The following TSPEAR variants were observed in gnomAD, a reference collection of about 807,000 sequenced individuals.
TSPEAR encodes the protein thrombospondin type laminin G domain and EAR repeats.
In TSPEAR, 69 loss-of-function variants were observed where a neutral mutation model predicts 71.6. That is an observed-to-expected ratio of 0.96 (90% confidence interval 0.79 to 1.18). The LOEUF is 1.18. Among genes scored for constraint, TSPEAR ranks in the 50% most tolerant of loss-of-function variants. The pLI is 0.00. For synonymous variants in TSPEAR, 402 were observed against 387.2 expected, an observed-to-expected ratio of 1.04 and a Z score of -0.45; for missense variants, 971 against 894.9, an observed-to-expected ratio of 1.09 and a Z score of -1.09.
intron 1 of TSPEAR, among the ~76,000 whole-genome samples, chr21:44,684,511 G>T (rs1555948638): frequency 6.6e-6 from 1 of 152,236 alleles, no homozygotes; most frequent in Non-Finnish European, 1.5e-5. Context: ...TTCAGCCTGG[G>T]TGACCAAGCA....
chr21:44,544,589 G>A (rs1555917562), intron 2 of TSPEAR, among the ~76,000 whole-genome samples: 1 of 152,186 alleles, frequency 6.6e-6, no homozygotes, highest in East Asian at 1.9e-4. Context: ...ATAATGCTAG[G>A]CTTAAATTTC....
chr21:44,677,695 G>T, intron 1 of TSPEAR: 2 of 1,419,776 alleles, frequency 1.4e-6, no homozygotes, highest in Non-Finnish European at 2.0e-6. Context: ...TCTCCCTTTT[G>T]TTTTTGGAGT....
intron 9 of TSPEAR, among the ~76,000 whole-genome samples, chr21:44,514,365 TACAC>T (rs1555913087): frequency 6.6e-6 from 1 of 152,022 alleles, no homozygotes; most frequent in South Asian, 2.1e-4. Context: ...TGGAAGCGAG[TACAC>T]ACACGTGTGC....
intron 7 of TSPEAR, 85 bp downstream of exon 7, chr21:44,527,207 C>A (rs2052874143): frequency 1.5e-6 from 2 of 1,320,218 alleles, no homozygotes. Context: ...CCTTTACCTG[C>A]AGAATCAGTG....
chr21:44,517,927 T>C, intron 9 of TSPEAR: 1 of 463,304 alleles, frequency 2.2e-6, no homozygotes, highest in Non-Finnish European at 4.5e-6. Context: ...CTCTGACAAT[T>C]CCATCACTGT....
rs1555928929 is a variant in TSPEAR, at chr21:44,601,822, G to A, written c.83-33817C>T. On this transcript the variant is annotated intron_variant, in intron 1 of 11. Transcript: ENST00000323084. ...TACCCTTGACGGCTCTCCACATCCC[G>A]CTCCTAAGCCCTGCAGTGGACGTCA... 4.5e-5 allele frequency: 69 copies of A among 1,519,446 alleles called. 2 individuals carry two copies. In the East Asian group the frequency reaches 4.8e-4, roughly 11 times the overall value. 94.1% of individuals were successfully genotyped at this position (1,519,446 alleles called of 1,614,324 possible).
chr21:44,704,931 A>AC (rs1987839361), intron 1 of TSPEAR, among the ~76,000 whole-genome samples: 1 of 151,960 alleles, frequency 6.6e-6, no homozygotes, highest in Admixed American at 6.5e-5. Context: ...GCCCAGACGC[A>AC]CTGACCTGTT....
chr21:44,528,269 C>T (rs1051142062), intron 6 of TSPEAR, among the ~76,000 whole-genome samples, 183 bp downstream of exon 6: 2 of 152,166 alleles, frequency 1.3e-5, no homozygotes, highest in African/African-American at 2.4e-5. Flanking sequence ...GTGTCCTGCC[C>T]GCTGCTTGCT....
intron 9 of TSPEAR, chr21:44,518,809 A>T: frequency 4.7e-6 from 2 of 422,732 alleles, no homozygotes; most frequent in Non-Finnish European, 1.0e-5. Context: ...AGCTCCTCAA[A>T]CATGCTCCAG....
intron 1 of TSPEAR, among the ~76,000 whole-genome samples, chr21:44,583,742 A>T (rs1249977210): frequency 6.6e-6 from 1 of 152,226 alleles, no homozygotes; most frequent in Non-Finnish European, 1.5e-5. Flanking sequence ...ATTGAGATGT[A>T]ATTGACAAAT....
At chr21:44,604,515 A>C (rs188710777) in intron 1 of TSPEAR, among the ~76,000 whole-genome samples, 2 of 152,160 alleles carry the variant, frequency 1.3e-5, no homozygotes, top group Non-Finnish European at 1.5e-5. Flanking sequence ...TGAGATCTCT[A>C]TATAAGATCA....
chr21:44,518,570 C>T (rs1213462460), intron 9 of TSPEAR: 2 of 457,088 alleles, frequency 4.4e-6, no homozygotes, highest in African/African-American at 2.0e-5. Flanking sequence ...GGCACAACAG[C>T]TGTTAGGAGA....
At chr21:44,638,413 C>T in intron 1 of TSPEAR, 1 of 400,686 alleles carries the variant, frequency 2.5e-6, no homozygotes, top group Non-Finnish European at 4.8e-6. Context: ...CCCTGGGCAG[C>T]ACCCCCTCTA....
intron 1 of TSPEAR, among the ~76,000 whole-genome samples, chr21:44,645,845 T>G (rs1249992988): frequency 1.3e-5 from 2 of 152,002 alleles, no homozygotes; most frequent in Non-Finnish European, 2.9e-5. Flanking sequence ...AAAGCTTGCT[T>G]GAAATATTTT....
chr21:44,624,657 C>T (rs1982653304), intron 1 of TSPEAR, among the ~76,000 whole-genome samples: 1 of 152,212 alleles, frequency 6.6e-6, no homozygotes, highest in Non-Finnish European at 1.5e-5. Context: ...CTTATATTCA[C>T]TGTTTCCAAC....
intron 1 of TSPEAR, among the ~76,000 whole-genome samples, chr21:44,682,328 G>A (rs539635049): frequency 3.5e-4 from 54 of 152,196 alleles, no homozygotes; most frequent in African/African-American, 1.2e-3. Flanking sequence ...CCTTTGTTTC[G>A]TGACTAATTG....
At chr21:44,508,105 C>T (rs1383744326) in intron 10 of TSPEAR, 1 of 152,386 alleles carries the variant, frequency 6.6e-6, no homozygotes, top group African/African-American at 2.4e-5. Flanking sequence ...CCCCTGCAGC[C>T]CTCCCGGTCC....
chr21:44,673,982 G>C (rs1986179930), intron 1 of TSPEAR, among the ~76,000 whole-genome samples: 1 of 152,050 alleles, frequency 6.6e-6, no homozygotes, highest in South Asian at 2.1e-4. Flanking sequence ...AGGGACGTTA[G>C]TAGTAATAAA....
chr21:44,595,229 C>G (rs890420706), intron 1 of TSPEAR, among the ~76,000 whole-genome samples: 2 of 152,200 alleles, frequency 1.3e-5, no homozygotes, highest in East Asian at 3.8e-4. Flanking sequence ...CTCCATCTCT[C>G]TCTGTCTCTG....
Sources: allele counts gnomAD v4.1 joint callset (sites outside exome capture counted in the v4.1 genomes callset), GRCh38; gene constraint gnomAD v4.1.1; transcripts MANE v1.5; gene names NCBI Gene and HGNC (gene_info 2026-07-23, HGNC 2026-07-21).